RALYL: variants seen among roughly 807,000 people sequenced by gnomAD.
The protein encoded by RALYL is RNA-binding Raly-like protein.
Under a neutral mutation model 35.1 loss-of-function variants are expected in RALYL, and 29 were observed. The ratio of observed to expected loss-of-function variants is 0.83; its 90% CI spans 0.61 to 1.13. The LOEUF (loss-of-function observed/expected upper bound fraction) is 1.13. Among genes scored for constraint, RALYL ranks in the 50% most tolerant of loss-of-function variants. RALYL has a pLI of 0.00. For synonymous variants in RALYL, 120 were observed against 127.6 expected, an observed-to-expected ratio of 0.94 and a Z score of 0.40; for missense variants, 359 against 360.4, an observed-to-expected ratio of 1.00 and a Z score of 0.03.
At chr8:84,427,157 A>G (rs1001653437) in intron 1 of RALYL, among the ~76,000 whole-genome samples, 1 of 152,230 alleles carries the variant, frequency 6.6e-6, no homozygotes, top group African/African-American at 2.4e-5. Context: ...GATATGCCCA[A>G]TGGAAACTAG....
intron 1 of RALYL, among the ~76,000 whole-genome samples, chr8:84,262,185 T>A (rs1832439765): frequency 6.6e-6 from 1 of 152,196 alleles, no homozygotes; most frequent in Admixed American, 6.5e-5. Context: ...ATTTTAGTGT[T>A]TAAAGCCTAG....
At chr8:84,774,823 A>G (rs1263078375) in intron 3 of RALYL, among the ~76,000 whole-genome samples, 169 bp downstream of exon 3, 1 of 152,242 alleles carries the variant, frequency 6.6e-6, no homozygotes, top group Non-Finnish European at 1.5e-5. Context: ...TGCATTGGCA[A>G]GGATCTCAAT....
chr8:84,406,315 C>T (rs1230039301), intron 1 of RALYL, among the ~76,000 whole-genome samples: 1 of 151,886 alleles, frequency 6.6e-6, no homozygotes, highest in Non-Finnish European at 1.5e-5. Flanking sequence ...ATTCTCTTTC[C>T]AGAGAGATTA....
intron 1 of RALYL, among the ~76,000 whole-genome samples, chr8:84,192,839 A>G (rs72662111): frequency 0.09 from 12,701 of 141,058 alleles, 616 homozygotes; most frequent in East Asian, 0.26. Context: ...CACCGTGCCC[A>G]GCCCGCAACT....
At chr8:84,271,945 T>C in intron 1 of RALYL, among the ~76,000 whole-genome samples, 1 of 152,206 alleles carries the variant, frequency 6.6e-6, no homozygotes, top group African/African-American at 2.4e-5. Context: ...TTGAATTGTG[T>C]GCTTAAAATA....
At chr8:84,466,404 G>T (rs1310755739) in intron 1 of RALYL, among the ~76,000 whole-genome samples, 7 of 148,504 alleles carry the variant, frequency 4.7e-5, no homozygotes, top group African/African-American at 1.7e-4. Flanking sequence ...AGATAATCAT[G>T]TGGTTTTTGT....
intron 1 of RALYL, among the ~76,000 whole-genome samples, chr8:84,343,009 AG>A (rs1849148251): frequency 6.6e-6 from 1 of 152,132 alleles, no homozygotes; most frequent in Non-Finnish European, 1.5e-5. Flanking sequence ...TTTGGTAGGC[AG>A]CACAGAAGTA....
intron 2 of RALYL, among the ~76,000 whole-genome samples, chr8:84,558,527 T>C (rs1407162006): frequency 6.6e-6 from 1 of 152,068 alleles, no homozygotes; most frequent in Non-Finnish European, 1.5e-5. Context: ...TTTAAAAAAA[T>C]TGTTGTGGAA....
chr8:84,295,221 T>A (rs1839533338), intron 1 of RALYL, among the ~76,000 whole-genome samples: 1 of 151,790 alleles, frequency 6.6e-6, no homozygotes, highest in Admixed American at 6.6e-5. Flanking sequence ...TTGATTAGAG[T>A]TGGGTAAGGA....
intron 2 of RALYL, among the ~76,000 whole-genome samples, chr8:84,658,570 T>C (rs910213138): frequency 6.6e-6 from 1 of 152,118 alleles, no homozygotes; most frequent in Non-Finnish European, 1.5e-5. Context: ...AGTGATCCCA[T>C]AGAACACGGT....
chr8:84,766,005 C>A (rs1397575704), intron 2 of RALYL, among the ~76,000 whole-genome samples: 1 of 152,058 alleles, frequency 6.6e-6, no homozygotes, highest in East Asian at 1.9e-4. Flanking sequence ...TGAAAAATGA[C>A]AGAGCCAGCA....
chr8:84,582,114 A>G (rs1810970413), intron 2 of RALYL, among the ~76,000 whole-genome samples: 3 of 152,158 alleles, frequency 2.0e-5, no homozygotes, highest in Non-Finnish European at 4.4e-5. Context: ...TTACCTTAGT[A>G]CAGAACATTA....
At chr8:84,863,814 T>C (rs1166228920) in intron 6 of RALYL, among the ~76,000 whole-genome samples, 1 of 152,218 alleles carries the variant, frequency 6.6e-6, no homozygotes, top group Non-Finnish European at 1.5e-5. Context: ...AATAGATTTA[T>C]GGATTTCTAT....
intron 1 of RALYL, among the ~76,000 whole-genome samples, chr8:84,473,252 ATTAGAGAAAAAGTT>A (rs1338056041): frequency 6.6e-6 from 1 of 151,962 alleles, no homozygotes; most frequent in East Asian, 1.9e-4. Flanking sequence ...GTAGAAGAAT[ATTAGAGAAAAAGTT>A]TTACATTCAT....
chr8:84,243,184 G>T (rs1265601699), intron 1 of RALYL, among the ~76,000 whole-genome samples: 1 of 152,086 alleles, frequency 6.6e-6, no homozygotes, highest in Admixed American at 6.6e-5. Flanking sequence ...CTATGTGTCT[G>T]TTTTTGTACC....
intron 1 of RALYL, among the ~76,000 whole-genome samples, chr8:84,282,402 G>A (rs569306423): frequency 1.5e-3 from 233 of 152,098 alleles, no homozygotes; most frequent in African/African-American, 5.3e-3. Context: ...ATATTTGGAT[G>A]AATTTTTGAG....
chr8:84,303,307 T>TA (rs1347324943), intron 1 of RALYL, among the ~76,000 whole-genome samples: 1 of 152,208 alleles, frequency 6.6e-6, no homozygotes, highest in East Asian at 1.9e-4. Context: ...TTACCTTGTT[T>TA]AAAAATAAAT....
intron 4 of RALYL, among the ~76,000 whole-genome samples, chr8:84,821,772 A>G (rs540689759): frequency 6.6e-6 from 1 of 152,326 alleles, no homozygotes; most frequent in Admixed American, 6.5e-5. Context: ...ATAGCTGCCA[A>G]CTATTAGCAA....
intron 2 of RALYL, among the ~76,000 whole-genome samples, chr8:84,630,829 A>C (rs1026594560): frequency 3.9e-5 from 6 of 152,038 alleles, no homozygotes; most frequent in African/African-American, 1.4e-4. Flanking sequence ...AAATAATTTA[A>C]CCAATTCATC....
Sources: gnomAD v4.1 joint callset for allele counts (sites outside exome capture counted in the v4.1 genomes callset) on GRCh38, gnomAD v4.1.1 for gene constraint, MANE v1.5 for transcripts, NCBI Gene and HGNC (gene_info 2026-07-23, HGNC 2026-07-21) for gene names.